RFX4: variants seen among roughly 807,000 people sequenced by gnomAD.
RFX4 encodes the protein regulatory factor X4.
RFX4 carries 10 observed loss-of-function variants against 95.0 expected under a neutral mutation model. That is an observed-to-expected ratio of 0.11 (90% CI 0.06 to 0.18). The LOEUF (loss-of-function observed/expected upper bound fraction) is 0.18, where lower values mean the gene tolerates loss of function less well. RFX4 is among the 10% of genes least tolerant of loss of function. The probability of loss-of-function intolerance (pLI) is 1.00; values close to 1 mark genes in which losing one functional copy is unlikely to be tolerated. For synonymous variants in RFX4, 321 were observed against 340.7 expected, an observed-to-expected ratio of 0.94 and a Z score of 0.64; for missense variants, 640 against 922.0, an observed-to-expected ratio of 0.69 and a Z score of 3.96.
At chr12:106,653,292 G>T (rs988614736) in intron 3 of RFX4, among the ~76,000 whole-genome samples, 6 of 152,154 alleles carry the variant, frequency 3.9e-5, no homozygotes, top group South Asian at 4.1e-4. Flanking sequence ...TTAGCACACG[G>T]TCAGGACATA....
chr12:106,714,088 A>AAAAAAAAAAAAAAAAAAG (rs1335276865), intron 10 of RFX4, among the ~76,000 whole-genome samples: 1 of 151,212 alleles, frequency 6.6e-6, no homozygotes, highest in African/African-American at 2.4e-5. Flanking sequence ...AAAAAAAAAA[A>AAAAAAAAAAAAAAAAAAG]AAAGCATGTT....
rs1044295893 is a variant in RFX4 at position 106,762,780 on chromosome 12, C to T, written c.*1311C>T. On this transcript the variant is annotated 3_prime_UTR_variant, in exon 18 of 18. Coordinates refer to ENST00000392842, the MANE Select transcript of RFX4 (RefSeq NM_213594.3). ...TGTGCAAGATATGAATGGTTTCACA[C>T]TCAAATAAAAAATATTGAAACGACC... is the stretch of plus-strand genomic sequence containing the variant. 1 of 136,348 alleles carries T rather than the reference C, an allele frequency of 7.3e-6. No individual in the cohort carries two copies. The highest frequency in any genetic ancestry group is 2.7e-5 in the African/African-American group (1 of 36,556). The allele number at this position is 136,348 out of a possible 1,614,324, so 8.4% of individuals were successfully genotyped here.
intron 11 of RFX4, among the ~76,000 whole-genome samples, chr12:106,718,413 G>A (rs779806451): frequency 2.6e-5 from 4 of 152,220 alleles, no homozygotes; most frequent in African/African-American, 7.2e-5. Flanking sequence ...TCTTGTCTCC[G>A]CAATTCACTA....
At chr12:106,729,405 C>CA (rs1565997559) in intron 13 of RFX4, among the ~76,000 whole-genome samples, 1 of 152,116 alleles carries the variant, frequency 6.6e-6, no homozygotes, top group Non-Finnish European at 1.5e-5. Flanking sequence ...TAATAGCTAC[C>CA]AATTATTAAG....
chr12:106,722,988 G>A (rs1007911631), intron 13 of RFX4, among the ~76,000 whole-genome samples: 1 of 152,168 alleles, frequency 6.6e-6, no homozygotes. Flanking sequence ...ACTCCCACAT[G>A]GTCCTTGTCG....
intron 2 of RFX4, among the ~76,000 whole-genome samples, chr12:106,619,475 T>C (rs2040136780): frequency 6.6e-6 from 1 of 152,188 alleles, no homozygotes; most frequent in Non-Finnish European, 1.5e-5. Flanking sequence ...GTTACTCCTT[T>C]GAATGCAATG....
chr12:106,733,365 A>G (rs1009841463), intron 15 of RFX4: 13 of 298,502 alleles, frequency 4.4e-5, no homozygotes, highest in Non-Finnish European at 6.9e-5. Context: ...TTCTCCCACA[A>G]TCTCCAAAAG....
At chr12:106,676,508 C>T (rs1398832040) in intron 4 of RFX4, among the ~76,000 whole-genome samples, 1 of 152,152 alleles carries the variant, frequency 6.6e-6, no homozygotes. Context: ...TTCAGTAAAC[C>T]TACTTGGGGA....
At chr12:106,696,203 T>C (rs1440269636) in intron 7 of RFX4, 80 bp from the exon 8 acceptor site, 1 of 1,518,088 alleles carries the variant, frequency 6.6e-7, no homozygotes, top group Non-Finnish European at 9.0e-7. Context: ...GTAGACTGGG[T>C]TGGCCTTGGT....
At chr12:106,601,359 G>A (rs1370445832) in intron 1 of RFX4, 3 of 1,571,542 alleles carry the variant, frequency 1.9e-6, no homozygotes, top group East Asian at 4.7e-5. Context: ...AATGACCAGG[G>A]CCCAGGGACA....
chr12:106,620,529 A>G (rs758319249), intron 2 of RFX4, among the ~76,000 whole-genome samples: 1 of 152,144 alleles, frequency 6.6e-6, no homozygotes, highest in Non-Finnish European at 1.5e-5. Context: ...CATGCTTCTG[A>G]GGGAATAGGA....
At chr12:106,755,375 C>T (rs989932774) in intron 17 of RFX4, among the ~76,000 whole-genome samples, 3 of 152,156 alleles carry the variant, frequency 2.0e-5, no homozygotes. Context: ...GGGTTACAGG[C>T]GTGAACCACC....
At chr12:106,597,302 G>A (rs1431697613) in intron 1 of RFX4, among the ~76,000 whole-genome samples, 1 of 152,050 alleles carries the variant, frequency 6.6e-6, no homozygotes, top group African/African-American at 2.4e-5. Context: ...ATTTGCCCAG[G>A]GTTGCAGAGC....
chr12:106,704,773 TAAC>T (rs1251889828), intron 8 of RFX4, among the ~76,000 whole-genome samples: 2 of 152,260 alleles, frequency 1.3e-5, no homozygotes, highest in East Asian at 1.9e-4. Context: ...TGGTTGTTAA[TAAC>T]AATTGGGTTA....
chr12:106,698,956 T>C (rs1592953923), intron 8 of RFX4, among the ~76,000 whole-genome samples: 1 of 152,074 alleles, frequency 6.6e-6, no homozygotes, highest in Non-Finnish European at 1.5e-5. Context: ...TTGCTTTGGG[T>C]TTATTTTGCT....
At chr12:106,739,417 G>A (rs913092082) in intron 15 of RFX4, among the ~76,000 whole-genome samples, 3 of 151,936 alleles carry the variant, frequency 2.0e-5, no homozygotes, top group African/African-American at 4.8e-5. Context: ...ATGTGTGCTC[G>A]GTGGCACAAA....
chr12:106,720,542 C>A lies in RFX4; in HGVS notation c.1234-217C>A, dbSNP rs1384574532. ...GGACTACAGGGGTGTGCCACCATTC[C>A]CAGCTAATTTTTGTATTTTTTGTAG... On this transcript the variant is annotated intron_variant, in intron 12 of 17. Transcript: ENST00000392842. The surrounding 1 kb of genome is among the most constrained non-coding windows in gnomAD (Gnocchi z 4.2). Among the ~76,000 whole-genome samples, 1 of 151,974 alleles carries A rather than the reference C, an allele frequency of 6.6e-6. No homozygotes were observed. Among genetic ancestry groups the A allele is most frequent in the African/African-American group, 2.4e-5 (1 of 41,364 alleles).
chr12:106,732,470 C>T (rs1026925518), intron 14 of RFX4, among the ~76,000 whole-genome samples: 1 of 152,052 alleles, frequency 6.6e-6, no homozygotes, highest in African/African-American at 2.4e-5. Flanking sequence ...GAGGCCAAGG[C>T]GGGCAGCTCA....
chr12:106,605,660 G>A (rs921439771), intron 1 of RFX4, among the ~76,000 whole-genome samples: 1 of 152,212 alleles, frequency 6.6e-6, no homozygotes, highest in African/African-American at 2.4e-5. Context: ...CCAGAAGCAG[G>A]TGAACTGGAT....
Sources: gnomAD v4.1 joint callset for allele counts (sites outside exome capture counted in the v4.1 genomes callset) on GRCh38, gnomAD v4.1.1 for gene constraint, Gnocchi (gnomAD v3.1) non-coding constraint, MANE v1.5 for transcripts, NCBI Gene and HGNC (gene_info 2026-07-23, HGNC 2026-07-21) for gene names.